The following NT5C2 variants were observed in gnomAD, a reference collection of about 807,000 sequenced individuals.
The protein encoded by NT5C2 is cytosolic purine 5'-nucleotidase.
In NT5C2, 58 loss-of-function variants were observed where a neutral mutation model predicts 76.1. The observed-to-expected ratio is 0.76, with a 90% CI of 0.62 to 0.95. The LOEUF is 0.95. NT5C2 is among the 40% of genes least tolerant of loss of function. NT5C2 has a pLI of 0.00. For synonymous variants in NT5C2, 229 were observed against 237.4 expected (o/e 0.96, Z 0.32); for missense variants, 478 against 690.3 (o/e 0.69, Z 3.45).
At chr10:103,165,265 G>A (rs559548673) in intron 3 of NT5C2, among the ~76,000 whole-genome samples, 35 of 152,122 alleles carry the variant, frequency 2.3e-4, no homozygotes, top group African/African-American at 4.8e-4. Context: ...AGGCCAAGGC[G>A]GGTGGATCAC....
At chr10:103,098,104 G>GA (rs751707260) in intron 10 of NT5C2, 9 of 527,804 alleles carry the variant, frequency 1.7e-5, no homozygotes, top group South Asian at 1.3e-4. Flanking sequence ...GGAAAAGAAA[G>GA]AAGTATGTCA....
At chr10:103,123,974 A>T (rs2076200585) in intron 4 of NT5C2, among the ~76,000 whole-genome samples, 1 of 152,208 alleles carries the variant, frequency 6.6e-6, no homozygotes, top group Admixed American at 6.5e-5. Flanking sequence ...ATAAATATTA[A>T]CAACTCATCC....
intron 1 of NT5C2, among the ~76,000 whole-genome samples, chr10:103,185,074 A>G (rs1357203992): frequency 6.6e-6 from 1 of 152,180 alleles, no homozygotes; most frequent in Non-Finnish European, 1.5e-5. Context: ...ATAGAATGCT[A>G]TATATTTGTT....
chr10:103,146,670 A>G (rs1591457227), intron 3 of NT5C2, among the ~76,000 whole-genome samples: 2 of 152,184 alleles, frequency 1.3e-5, no homozygotes, highest in African/African-American at 4.8e-5. Context: ...CTTAAAATCT[A>G]GTTACTATCT....
chr10:103,091,834 GC>G (rs2066993995), intron 15 of NT5C2, among the ~76,000 whole-genome samples: 1 of 152,124 alleles, frequency 6.6e-6, no homozygotes, highest in African/African-American at 2.4e-5. Context: ...CTCTTTAACT[GC>G]CTTTCCTCCT....
intron 3 of NT5C2, among the ~76,000 whole-genome samples, chr10:103,147,492 G>C (rs2081676266): frequency 6.6e-6 from 1 of 152,182 alleles, no homozygotes; most frequent in Non-Finnish European, 1.5e-5. Context: ...ACAGAACTAT[G>C]TGACAGTAAT....
chr10:103,094,595 T>C (rs2067701639), intron 12 of NT5C2, 140 bp from the exon 13 acceptor site: 4 of 628,460 alleles, frequency 6.4e-6, no homozygotes, highest in Admixed American at 5.1e-5. Flanking sequence ...TAAAAAGGTA[T>C]TGTGTCAGCC....
chr10:103,146,375 A>G, intron 3 of NT5C2: 1 of 985,418 alleles, frequency 1.0e-6, no homozygotes, highest in Non-Finnish European at 1.2e-6. Flanking sequence ...CAGTTAGTGC[A>G]ACAACAAATG....
intron 4 of NT5C2, among the ~76,000 whole-genome samples, chr10:103,118,926 A>T (rs545846714): frequency 6.6e-6 from 1 of 152,124 alleles, no homozygotes; most frequent in South Asian, 2.1e-4. Flanking sequence ...GGGGAGGGCA[A>T]GAGTCCAAAA....
chr10:103,129,037 C>A (rs944667084), intron 4 of NT5C2, among the ~76,000 whole-genome samples: 4 of 119,092 alleles, frequency 3.4e-5, no homozygotes, highest in South Asian at 3.0e-4. Flanking sequence ...GGGGGTCAGC[C>A]CCCCCGACCG....
intron 10 of NT5C2, 107 bp from the exon 11 acceptor site, chr10:103,097,481 T>A (rs1301531189): frequency 1.1e-6 from 1 of 880,232 alleles, no homozygotes; most frequent in East Asian, 2.4e-5. Flanking sequence ...GGGGAACCTT[T>A]TAAGGGTTAG....
chr10:103,142,058 A>C (rs994828620), intron 3 of NT5C2, among the ~76,000 whole-genome samples: 1 of 152,054 alleles, frequency 6.6e-6, no homozygotes, highest in African/African-American at 2.4e-5. Context: ...TTTACAGTAA[A>C]CTACAAAGCA....
rs541167151 is a variant in NT5C2 at position 103,111,184 on chromosome 10, A to G, written c.176-4478T>C. Reference sequence around the variant, plus strand: ...ACAATTGACTTTCTGTGGTTCCAAAACCCAGGCAATAGCTTCAGAGTAAAC... The same window carrying G: ...ACAATTGACTTTCTGTGGTTCCAAAGCCCAGGCAATAGCTTCAGAGTAAAC... On this transcript the variant is annotated intron_variant, in intron 4 of 18. Transcript: ENST00000404739. 8.9e-4 allele frequency among the ~76,000 whole-genome samples: 135 copies of G among 152,264 alleles called. 1 individual carries two copies. The highest frequency in any genetic ancestry group is 1.4e-3 in the Non-Finnish European group (96 of 68,028).
rs147852021 is a variant in NT5C2 at position 103,093,073 on chromosome 10, A to G, written c.1159+66T>C. On this transcript the variant is annotated intron_variant, in intron 15 of 18. Coordinates refer to ENST00000404739, the MANE Select transcript of NT5C2 (RefSeq NM_001351169.2). ...CCTGAATACAAAGTAATGGTTTATC[A>G]AAGACGACTGATTCAAAGCTGGTCA... 4.4e-5 allele frequency: 61 copies of G among 1,371,100 alleles called. No individual in the cohort carries two copies. The East Asian group carries it at 7.1e-4, about 16-fold the overall frequency. The allele number at this position is 1,371,100 out of a possible 1,614,324, so 84.9% of individuals were successfully genotyped here.
chr10:103,136,253 A>T (rs945757283), intron 4 of NT5C2, among the ~76,000 whole-genome samples: 2 of 152,210 alleles, frequency 1.3e-5, no homozygotes, highest in Non-Finnish European at 2.9e-5. Flanking sequence ...ACATACATGC[A>T]TGCTTAGGTT....
chr10:103,138,320 G>A (rs1372472543), intron 4 of NT5C2, among the ~76,000 whole-genome samples: 5 of 152,158 alleles, frequency 3.3e-5, no homozygotes, highest in African/African-American at 1.2e-4. Flanking sequence ...AGAATGTGCA[G>A]GTTACATAGG....
At chr10:103,146,427 T>C (rs183920678) in intron 3 of NT5C2, 402 of 985,320 alleles carry the variant, frequency 4.1e-4, no homozygotes, top group Non-Finnish European at 4.6e-4. Flanking sequence ...GGCATCTGTT[T>C]TCCTTATGGG....
At chr10:103,184,865 A>C (rs2091810782) in intron 1 of NT5C2, among the ~76,000 whole-genome samples, 1 of 152,226 alleles carries the variant, frequency 6.6e-6, no homozygotes, top group South Asian at 2.1e-4. Context: ...GAACTTGTCG[A>C]GTGAGAAATG....
intron 16 of NT5C2, 109 bp from the exon 17 acceptor site, chr10:103,091,105 G>T: frequency 1.1e-6 from 1 of 915,030 alleles, no homozygotes. Context: ...TGTGATCGCG[G>T]CTCACTGCAA....
Sources: allele counts gnomAD v4.1 joint callset (sites outside exome capture counted in the v4.1 genomes callset), GRCh38; gene constraint gnomAD v4.1.1; transcripts MANE v1.5; gene names NCBI Gene and HGNC (gene_info 2026-07-23, HGNC 2026-07-21).